SANBR: variants seen among roughly 807,000 people sequenced by gnomAD.
SANBR encodes the protein SANT and BTB domain regulator of class switch recombination.
Under a neutral mutation model 101.8 loss-of-function variants are expected in SANBR, and 77 were observed. The observed-to-expected ratio is 0.76, with a 90% CI of 0.63 to 0.91. SANBR has a LOEUF of 0.91. Ranked by LOEUF, SANBR falls within the 40% of genes least tolerant of loss-of-function variation. SANBR has a pLI of 0.00. For missense variants in SANBR, 875 were observed against 853.0 expected, an observed-to-expected ratio of 1.03 and a Z score of -0.32; for synonymous variants, 279 against 274.7, an observed-to-expected ratio of 1.02 and a Z score of -0.15.
At chr2:61,089,144 T>C in intron 10 of SANBR, 2 of 984,472 alleles carry the variant, frequency 2.0e-6, no homozygotes, top group Non-Finnish European at 2.4e-6. Flanking sequence ...TTCAGGTAAA[T>C]TTTGGTGAGG....
chr2:61,122,216 A>G lies in SANBR; in HGVS notation c.*54A>G. The G allele has an allele frequency of 2.6e-6, 4 of 1,512,654 alleles. No individual in the cohort carries two copies. In the South Asian group the frequency reaches 5.3e-5, roughly 20 times the overall value. The allele number at this position is 1,512,654 out of a possible 1,614,324, so 93.7% of individuals were successfully genotyped here. A position where few individuals can be genotyped will look rare whatever the true frequency, so the allele number is the denominator to read the frequency against. On this transcript the variant is annotated 3_prime_UTR_variant, in exon 22 of 22. Transcript: ENST00000402291. Reference sequence around the variant, plus strand: ...GAAGGCACTCTTCTGGACATCTGAAATTGCTCACTTCTTGAAGATCTTCAG... The same window carrying G: ...GAAGGCACTCTTCTGGACATCTGAAGTTGCTCACTTCTTGAAGATCTTCAG...
intron 11 of SANBR, among the ~76,000 whole-genome samples, chr2:61,096,210 C>G (rs1249961272): frequency 6.6e-6 from 1 of 152,166 alleles, no homozygotes; most frequent in Non-Finnish European, 1.5e-5. Context: ...GCCTTCAAAG[C>G]CCAACATTAT....
At chr2:61,130,929 C>CAAA (rs59171411) in intron 20 of SANBR, among the ~76,000 whole-genome samples, 404 of 13,234 alleles carry the variant, frequency 0.031, 161 homozygotes, top group African/African-American at 0.045. Flanking sequence ...GACTCTGTCT[C>CAAA]AAAAAAAAAA....
At chr2:61,127,865 C>T (rs1464434930), downstream of SANBR, among the ~76,000 whole-genome samples, 2 of 152,112 alleles carry the variant, frequency 1.3e-5, no homozygotes, top group Non-Finnish European at 2.9e-5. Flanking sequence ...AAACTTTATA[C>T]ATCCAAGAAG....
intron 21 of SANBR, chr2:61,134,415 A>T (rs937647342): frequency 3.7e-6 from 3 of 804,904 alleles, no homozygotes; most frequent in Non-Finnish European, 5.7e-6. Context: ...TTTGCTGCCT[A>T]TTGAAATTGT....
chr2:61,066,347 C>G (rs1351093973), intron 1 of SANBR: 1 of 152,494 alleles, frequency 6.6e-6, no homozygotes, highest in African/African-American at 2.4e-5. Context: ...CTGCCCGGCG[C>G]CTTTGTCCGC....
At chr2:61,077,245 T>C in intron 6 of SANBR, 87 bp downstream of exon 6, 1 of 885,008 alleles carries the variant, frequency 1.1e-6, no homozygotes, top group South Asian at 1.5e-5. Context: ...TGTGGAAAAT[T>C]GTTTGGACAC....
chr2:61,075,819 A>G (rs1249704382), intron 5 of SANBR, among the ~76,000 whole-genome samples: 1 of 151,890 alleles, frequency 6.6e-6, no homozygotes, highest in Non-Finnish European at 1.5e-5. Context: ...TTTAGTGAAG[A>G]ATTATAGCTA....
intron 8 of SANBR, among the ~76,000 whole-genome samples, chr2:61,085,173 A>C (rs558666236): frequency 2.0e-5 from 3 of 152,328 alleles, no homozygotes; most frequent in East Asian, 3.9e-4. Context: ...TTAAGAGTAG[A>C]TGAGATTTGA....
intron 6 of SANBR, among the ~76,000 whole-genome samples, chr2:61,079,507 T>G (rs1383098423): frequency 6.6e-6 from 1 of 152,182 alleles, no homozygotes; most frequent in African/African-American, 2.4e-5. Context: ...GTGATCAAAT[T>G]AATAGGAGAG....
chr2:61,114,490 C>T (rs1424700971), intron 16 of SANBR, among the ~76,000 whole-genome samples: 1 of 152,086 alleles, frequency 6.6e-6, no homozygotes, highest in East Asian at 1.9e-4. Context: ...ATTAGGCTGC[C>T]TTCAGCCATA....
Position 61,082,603 on chromosome 2 carries a change from G to A in SANBR, c.730-551G>A, listed in dbSNP as rs1001533445. Among the ~76,000 whole-genome samples, 9 of 152,162 alleles carry A rather than the reference G, an allele frequency of 5.9e-5. No individual in the cohort carries two copies. The East Asian group carries it at 7.7e-4, about 13-fold the overall frequency. ...TGGGAGGCCAAGGCAGGCGGATCACGAGGTCAGGAGTTCAAGACCAGCCTA... is the reference window on the plus strand; with the variant it reads ...TGGGAGGCCAAGGCAGGCGGATCACAAGGTCAGGAGTTCAAGACCAGCCTA... On this transcript the variant is annotated intron_variant, in intron 7 of 21. Transcript: ENST00000402291.
chr2:61,108,277 G>T (rs768738676), intron 14 of SANBR, 40 bp from the exon 15 acceptor site: 18 of 1,382,418 alleles, frequency 1.3e-5, no homozygotes, highest in Non-Finnish European at 1.7e-5. Context: ...TGCAATCTAG[G>T]TAAATGCAGA....
intron 16 of SANBR, among the ~76,000 whole-genome samples, chr2:61,109,630 C>T (rs1683726654): frequency 6.8e-6 from 1 of 147,670 alleles, no homozygotes; most frequent in South Asian, 2.1e-4. Flanking sequence ...AAATAACATT[C>T]ATCAATGTAT....
chr2:61,070,354 A>G lies in SANBR; in HGVS notation c.4A>G (p.Ser2Gly). Residue 2 changes from serine to glycine, a missense_variant, in exon 3 of 22, where the codon AGT (serine) becomes GGT (glycine). Coordinates refer to ENST00000402291, the MANE Select transcript of SANBR (RefSeq NM_001129993.3). ...TCCCTATCCCTAGTTCCAAAAGATG[A>G]GTCGTGGATATTCAGAAAACAACAA... is the stretch of plus-strand genomic sequence containing the variant. MSRGYSENNNFL... is the reference protein window; with the variant it reads MGRGYSENNNFL... 1 of 1,564,046 alleles carries G rather than the reference A, an allele frequency of 6.4e-7. No homozygotes were observed. Among genetic ancestry groups the G allele is most frequent in the Non-Finnish European group, 8.6e-7 (1 of 1,161,812 alleles).
In SANBR at chr2:61,073,491, C is replaced by T; in HGVS notation, c.371C>T (p.Ser124Phe). Reference sequence around the variant, plus strand: ...AGTATAGCTTCCACAAGGAATTGTTCTTCAGAAAGTGAAAATTGTACTACT... The same window carrying T: ...AGTATAGCTTCCACAAGGAATTGTTTTTCAGAAAGTGAAAATTGTACTACT... ...RHSIASTRNC[S>F]SESENCTTHN... Residue 124 changes from serine (S) to phenylalanine (F), a missense_variant, in exon 5 of 22, where the codon TCT becomes TTT. Coordinates refer to ENST00000402291, the MANE Select transcript of SANBR (RefSeq NM_001129993.3). 6.3e-7 allele frequency: 1 copy of T among 1,578,962 alleles called. No homozygotes were observed.
chr2:61,136,323 G>T (rs1684847488), intron 21 of SANBR, among the ~76,000 whole-genome samples: 1 of 150,142 alleles, frequency 6.7e-6, no homozygotes, highest in South Asian at 2.1e-4. Flanking sequence ...AAAGAAAAAA[G>T]AATCTAAACA....
At chr2:61,095,599 G>A (rs1682992774) in intron 11 of SANBR, among the ~76,000 whole-genome samples, 1 of 152,102 alleles carries the variant, frequency 6.6e-6, no homozygotes, top group African/African-American at 2.4e-5. Context: ...GTTTTTATTT[G>A]AATTATTTTA....
At chr2:61,131,923 A>G (rs1684701082) in intron 20 of SANBR, among the ~76,000 whole-genome samples, 1 of 152,238 alleles carries the variant, frequency 6.6e-6, no homozygotes, top group African/African-American at 2.4e-5. Flanking sequence ...AGGGTGAAAA[A>G]GAATAGTCTT....
Sources: gnomAD v4.1 joint callset for allele counts (sites outside exome capture counted in the v4.1 genomes callset) on GRCh38, gnomAD v4.1.1 for gene constraint, MANE v1.5 for transcripts, NCBI Gene and HGNC (gene_info 2026-07-23, HGNC 2026-07-21) for gene names.